Variants in TNIP1 observed in about 807,000 individuals in gnomAD.
TNIP1 encodes TNFAIP3-interacting protein 1.
Under a neutral mutation model 86.6 loss-of-function variants are expected in TNIP1, and 22 were observed. That is an observed-to-expected ratio of 0.25 (90% CI 0.18 to 0.36). The LOEUF is 0.36. Ranked by LOEUF, TNIP1 falls within the 10% of genes least tolerant of loss-of-function variation. The pLI, the probability that TNIP1 is intolerant of heterozygous loss-of-function variation, is 1.00. For synonymous variants in TNIP1, 294 were observed against 313.0 expected (o/e 0.94, Z 0.64); for missense variants, 709 against 820.6 (o/e 0.86, Z 1.66).
In TNIP1 at chr5:151,045,808, T is replaced by C. The variant is rs1008516711; in HGVS notation, c.936+53A>G. 57 of 1,581,062 alleles carry C rather than the reference T, an allele frequency of 3.6e-5. No individual in the cohort carries two copies. The Admixed American group carries it at 9.2e-4, about 25-fold the overall frequency. ...AGGCCAGGGCAAGCCTTTGTGCTGC[T>C]GGTCCCGGGAGGTAAGAGGGATCCT... On this transcript the variant is annotated intron_variant, in intron 9 of 17. Coordinates refer to ENST00000521591, the MANE Select transcript of TNIP1 (RefSeq NM_006058.5).
At chr5:151,047,594 A>G (rs1038653089) in intron 8 of TNIP1, among the ~76,000 whole-genome samples, 7 of 152,154 alleles carry the variant, frequency 4.6e-5, no homozygotes, top group Non-Finnish European at 1.0e-4. Flanking sequence ...CCTGGGTTCT[A>G]TAAGATGTTG....
At chr5:151,059,854 TGTGTGTGTGTGTGCGCGCGC>T (rs1180775695) in intron 5 of TNIP1, among the ~76,000 whole-genome samples, 71 of 100,370 alleles carry the variant, frequency 7.1e-4, no homozygotes, top group African/African-American at 2.8e-3. Context: ...TGTGTGTGTG[TGTGTGTGTGTGTGCGCGCGC>T]GCGCGCGCAT....
intron 17 of TNIP1, 124 bp from the exon 18 acceptor site, chr5:151,030,871 C>A: frequency 1.3e-6 from 1 of 764,444 alleles, no homozygotes; most frequent in Non-Finnish European, 2.1e-6. Flanking sequence ...CTACCAAGTG[C>A]CAGGGCTAAG....
At chr5:151,085,806 C>T (rs373617152), upstream of TNIP1, among the ~76,000 whole-genome samples, 6 of 152,202 alleles carry the variant, frequency 3.9e-5, no homozygotes, top group African/African-American at 9.7e-5. Context: ...AGGCCCAGCC[C>T]GGCCCAGCCT....
chr5:151,039,295 G>A, intron 11 of TNIP1, 70 bp from the exon 12 acceptor site: 13 of 1,517,356 alleles, frequency 8.6e-6, no homozygotes, highest in Non-Finnish European at 1.1e-5. Context: ...TCTCTGTCCT[G>A]CCTGGCCCAG....
intron 3 of TNIP1, among the ~76,000 whole-genome samples, chr5:151,063,105 C>T (rs536946550): frequency 2.0e-5 from 3 of 152,346 alleles, no homozygotes; most frequent in East Asian, 3.9e-4. Flanking sequence ...ATGGGCAGCA[C>T]ACGTAACCTT....
At chr5:151,049,278 T>C (rs1166882166) in intron 8 of TNIP1, among the ~76,000 whole-genome samples, 2 of 152,060 alleles carry the variant, frequency 1.3e-5, no homozygotes, top group Non-Finnish European at 2.9e-5. Flanking sequence ...GACCTGGATG[T>C]GGCCAGTGCT....
chr5:151,070,766 T>C (rs1421688385), intron 1 of TNIP1, among the ~76,000 whole-genome samples: 17 of 152,270 alleles, frequency 1.1e-4, no homozygotes, highest in African/African-American at 4.1e-4. Flanking sequence ...ATTTCCAGGC[T>C]GGGGAAACTG....
chr5:151,060,503 A>G, intron 4 of TNIP1, 108 bp from the exon 5 acceptor site: 13 of 913,956 alleles, frequency 1.4e-5, no homozygotes, highest in Non-Finnish European at 2.3e-5. Flanking sequence ...TCCCATTTTG[A>G]GTACACAGGG....
intron 1 of TNIP1, among the ~76,000 whole-genome samples, chr5:151,077,602 G>T (rs930022254): frequency 6.6e-6 from 1 of 152,212 alleles, no homozygotes; most frequent in African/African-American, 2.4e-5. Context: ...ACCTACCCAG[G>T]TCTGCCAAGC....
At chr5:151,072,314 A>G (rs1762908857) in intron 1 of TNIP1, among the ~76,000 whole-genome samples, 1 of 152,186 alleles carries the variant, frequency 6.6e-6, no homozygotes, top group Non-Finnish European at 1.5e-5. Context: ...ATATGCAACC[A>G]GGTGGCAATC....
chr5:151,049,378 G>A (rs985248827), intron 8 of TNIP1, among the ~76,000 whole-genome samples: 20 of 152,140 alleles, frequency 1.3e-4, no homozygotes, highest in Non-Finnish European at 2.1e-4. Context: ...CACTTTAGAG[G>A]CTCCAGAGAC....
At chr5:151,039,687 G>T (rs1034900128) in intron 11 of TNIP1, among the ~76,000 whole-genome samples, 1 of 152,184 alleles carries the variant, frequency 6.6e-6, no homozygotes, top group African/African-American at 2.4e-5. Flanking sequence ...TCACATGGGG[G>T]TCTTCCGTGA....
In TNIP1 at chr5:151,063,632, G is replaced by A. The variant is rs750219859; in HGVS notation, c.252C>T (p.Asp84=). ...TTATACCTGTGAGCTCAGCCAGGGG[G>A]TCGAAGGAGCCCAAGGAGGGAGAAG... ...PPPSPSLGSF[D]PLAELTGKDS... The change falls in exon 3 of 18, where the codon GAC becomes GAT. Residue 84 remains aspartate (D), a synonymous_variant. Coordinates refer to ENST00000521591, the MANE Select transcript of TNIP1 (RefSeq NM_006058.5). 4.0e-5 allele frequency: 65 copies of A among 1,613,930 alleles called. No homozygotes were observed. The Middle Eastern group carries it at 1.3e-3, about 33-fold the overall frequency.
chr5:151,083,713 C>G (rs1764168621), upstream of TNIP1, among the ~76,000 whole-genome samples: 1 of 152,208 alleles, frequency 6.6e-6, no homozygotes, highest in Non-Finnish European at 1.5e-5. Flanking sequence ...CTACTCCCTC[C>G]TCCACCACCC....
chr5:151,051,264 T>C (rs887417618), intron 7 of TNIP1, among the ~76,000 whole-genome samples: 9 of 152,234 alleles, frequency 5.9e-5, no homozygotes, highest in Non-Finnish European at 1.2e-4. Flanking sequence ...AAAGTTTATA[T>C]TCCTTCTCTT....
intron 13 of TNIP1, among the ~76,000 whole-genome samples, chr5:151,036,119 G>A (rs1757672752): frequency 6.6e-6 from 1 of 152,170 alleles, no homozygotes; most frequent in Non-Finnish European, 1.5e-5. Context: ...CCTGGCAGAG[G>A]TGGGTTGGGT....
At chr5:151,066,843 C>A (rs1559126) in intron 1 of TNIP1, among the ~76,000 whole-genome samples, 1 of 152,058 alleles carries the variant, frequency 6.6e-6, no homozygotes, top group East Asian at 1.9e-4. Context: ...GGACACAGAG[C>A]CAGAGGGGCA....
chr5:151,076,982 G>A (rs1050938373), intron 1 of TNIP1, among the ~76,000 whole-genome samples: 3 of 152,224 alleles, frequency 2.0e-5, no homozygotes, highest in African/African-American at 7.2e-5. Context: ...AGTGGCAGAG[G>A]GTTGAAGGCA....
Sources: allele counts gnomAD v4.1 joint callset (sites outside exome capture counted in the v4.1 genomes callset), GRCh38; gene constraint gnomAD v4.1.1; transcripts MANE v1.5; gene names NCBI Gene and HGNC (gene_info 2026-07-23, HGNC 2026-07-21).